GSK3B: variants seen among roughly 807,000 people sequenced by gnomAD.
GSK3B encodes glycogen synthase kinase 3 beta, also known as glycogen synthase kinase-3 beta.
Under a neutral mutation model 56.4 loss-of-function variants are expected in GSK3B, and 15 were observed. That is an observed-to-expected ratio of 0.27 (90% CI 0.18 to 0.41). The LOEUF (loss-of-function observed/expected upper bound fraction) is 0.41, where lower values mean the gene tolerates loss of function less well. Ranked by LOEUF, GSK3B falls within the 10% of genes least tolerant of loss-of-function variation. The pLI, the probability that GSK3B is intolerant of heterozygous loss-of-function variation, is 1.00. For missense variants in GSK3B, 300 were observed against 513.4 expected (o/e 0.58, Z 4.02); for synonymous variants, 181 against 188.9 (o/e 0.96, Z 0.34).
At chr3:120,049,503 G>A (rs545713561) in intron 1 of GSK3B, among the ~76,000 whole-genome samples, 19 of 152,294 alleles carry the variant, frequency 1.2e-4, no homozygotes, top group Non-Finnish European at 2.1e-4. Context: ...GTAAGTTGAC[G>A]AGAAAGAGAA....
chr3:119,922,419 T>G (rs1980718), intron 4 of GSK3B, among the ~76,000 whole-genome samples: 35,558 of 147,520 alleles, frequency 0.24, 4,722 homozygotes, highest in East Asian at 0.49. Context: ...ATATATAGTT[T>G]ATATATTATA....
chr3:119,851,423 T>C (rs2055928859), intron 9 of GSK3B, among the ~76,000 whole-genome samples: 1 of 152,186 alleles, frequency 6.6e-6, no homozygotes, highest in Non-Finnish European at 1.5e-5. Context: ...CCAAATTCAT[T>C]GATAAAATGG....
chr3:119,928,158 T>C (rs560556993), intron 3 of GSK3B, among the ~76,000 whole-genome samples: 2 of 152,212 alleles, frequency 1.3e-5, no homozygotes, highest in South Asian at 2.1e-4. Flanking sequence ...AAGTCTCTGG[T>C]GATGAAGTAA....
intron 1 of GSK3B, among the ~76,000 whole-genome samples, chr3:120,033,901 T>G (rs2057999665): frequency 6.6e-6 from 1 of 152,206 alleles, no homozygotes; most frequent in African/African-American, 2.4e-5. Flanking sequence ...ATACAGCCTT[T>G]GGAACTGTGA....
chr3:119,838,108 T>C (rs1427683509), intron 10 of GSK3B, among the ~76,000 whole-genome samples: 2 of 151,542 alleles, frequency 1.3e-5, no homozygotes, highest in African/African-American at 2.4e-5. Flanking sequence ...GCCAACAAAG[T>C]GAAACCCCGT....
chr3:120,012,139 C>T (rs942495575), intron 1 of GSK3B, among the ~76,000 whole-genome samples: 1 of 152,172 alleles, frequency 6.6e-6, no homozygotes, highest in Non-Finnish European at 1.5e-5. Context: ...ACTTTGGCAA[C>T]ATTAGGTTTT....
At chr3:119,931,279 A>G (rs138103761) in intron 3 of GSK3B, among the ~76,000 whole-genome samples, 118 of 152,312 alleles carry the variant, frequency 7.7e-4, no homozygotes, top group African/African-American at 2.5e-3. Context: ...TCTCCTTTGG[A>G]TTCTCAGACA....
At chr3:119,977,905 A>C (rs1202909320) in intron 2 of GSK3B, among the ~76,000 whole-genome samples, 1 of 152,202 alleles carries the variant, frequency 6.6e-6, no homozygotes, top group Non-Finnish European at 1.5e-5. Context: ...TTGATTCACA[A>C]AACACTGAAG....
chr3:120,037,983 A>G (rs2058036232), intron 1 of GSK3B, among the ~76,000 whole-genome samples: 1 of 152,216 alleles, frequency 6.6e-6, no homozygotes, highest in South Asian at 2.1e-4. Flanking sequence ...ATAATCTTCC[A>G]TAGCTATAAC....
intron 7 of GSK3B, among the ~76,000 whole-genome samples, chr3:119,895,527 A>G (rs1647450644): frequency 6.6e-6 from 1 of 152,172 alleles, no homozygotes. Context: ...GTACTAATTT[A>G]CATTCCTAAC....
intron 3 of GSK3B, among the ~76,000 whole-genome samples, chr3:119,931,487 G>A (rs975276085): frequency 7.9e-5 from 12 of 152,124 alleles, no homozygotes; most frequent in South Asian, 2.1e-4. Context: ...GTGGTGGCAT[G>A]CACCTGTAGT....
chr3:120,043,630 C>T (rs2058080782), intron 1 of GSK3B, among the ~76,000 whole-genome samples: 1 of 152,138 alleles, frequency 6.6e-6, no homozygotes, highest in Admixed American at 6.5e-5. Context: ...CGGGCTGGAC[C>T]TCCCCAGATG....
At position 119,824,589 on chromosome 3, in the gene GSK3B, G is replaced by T. The variant is rs1447719915; in HGVS notation, c.*2199C>A. On this transcript the variant is annotated 3_prime_UTR_variant, in exon 11 of 11. Transcript: ENST00000264235. ...TTCAGATTCTTTATAAATTCTGTCT[G>T]AAAATGGTCTATCAACGCCACTACC... 1 of 206,918 alleles carries T rather than the reference G, an allele frequency of 4.8e-6. No homozygotes were observed. The highest frequency in any genetic ancestry group is 9.9e-6 in the Non-Finnish European group (1 of 101,444). 12.8% of individuals were successfully genotyped at this position (206,918 alleles called of 1,614,324 possible).
chr3:119,907,501 T>G (rs1315932255), intron 6 of GSK3B, among the ~76,000 whole-genome samples: 45 of 152,112 alleles, frequency 3.0e-4, no homozygotes, highest in Non-Finnish European at 4.4e-5. Flanking sequence ...TCAATCACTT[T>G]CTGGAGGACA....
chr3:119,966,471 A>G (rs1367529550), intron 2 of GSK3B, among the ~76,000 whole-genome samples: 2 of 152,204 alleles, frequency 1.3e-5, no homozygotes, highest in East Asian at 1.9e-4. Flanking sequence ...GACTTCTCCA[A>G]TTTCTTAAAG....
intron 3 of GSK3B, among the ~76,000 whole-genome samples, chr3:119,930,838 T>C (rs1198319964): frequency 6.6e-6 from 1 of 152,256 alleles, no homozygotes; most frequent in Non-Finnish European, 1.5e-5. Context: ...GTATAGCTCA[T>C]GCTGCATTGC....
chr3:119,957,151 G>C (rs2057222296), intron 2 of GSK3B, among the ~76,000 whole-genome samples: 1 of 151,870 alleles, frequency 6.6e-6, no homozygotes, highest in South Asian at 2.1e-4. Context: ...ATTGATTTAG[G>C]GACTAATGTT....
intron 9 of GSK3B, among the ~76,000 whole-genome samples, chr3:119,845,608 G>GT (rs2055844583): frequency 6.6e-6 from 1 of 152,202 alleles, no homozygotes. Context: ...TACAAGGGAT[G>GT]TGAAGGATCT....
At chr3:119,995,504 C>T (rs1278365629) in intron 2 of GSK3B, among the ~76,000 whole-genome samples, 1 of 151,492 alleles carries the variant, frequency 6.6e-6, no homozygotes, top group Non-Finnish European at 1.5e-5. Flanking sequence ...CTCACTCTGT[C>T]ACCAGGCTGG....
Sources: allele counts gnomAD v4.1 joint callset (sites outside exome capture counted in the v4.1 genomes callset), GRCh38; gene constraint gnomAD v4.1.1; transcripts MANE v1.5; gene names NCBI Gene and HGNC (gene_info 2026-07-23, HGNC 2026-07-21).